Variants in SLC2A9 observed in about 807,000 individuals in gnomAD.
SLC2A9 encodes the protein solute carrier family 2, facilitated glucose transporter member 9.
Under a neutral mutation model 50.6 loss-of-function variants are expected in SLC2A9, and 39 were observed. The ratio of observed to expected loss-of-function variants is 0.77; its 90% CI spans 0.60 to 1.01. The LOEUF (loss-of-function observed/expected upper bound fraction) is 1.01, where lower values mean the gene tolerates loss of function less well. Ranked by LOEUF, SLC2A9 falls within the 50% of genes least tolerant of loss-of-function variation. The probability of loss-of-function intolerance (pLI) is 0.00; values close to 1 mark genes in which losing one functional copy is unlikely to be tolerated. For synonymous variants in SLC2A9, 324 were observed against 276.9 expected (o/e 1.17, Z -1.69); for missense variants, 686 against 677.6 (o/e 1.01, Z -0.14).
At chr4:9,907,666 G>C (rs1199679708) in intron 8 of SLC2A9, among the ~76,000 whole-genome samples, 1 of 152,190 alleles carries the variant, frequency 6.6e-6, no homozygotes. Context: ...AACTCCTGGG[G>C]ACAATATGGC....
chr4:9,773,488 G>T (rs1717115849), intron 1 of SLC2A9, among the ~76,000 whole-genome samples: 1 of 152,222 alleles, frequency 6.6e-6, no homozygotes, highest in Admixed American at 6.5e-5. Flanking sequence ...TACATCTTCA[G>T]AAGAAGGAGG....
At chr4:10,036,816 T>C (rs541754464) in intron 1 of SLC2A9, among the ~76,000 whole-genome samples, 4 of 152,368 alleles carry the variant, frequency 2.6e-5, no homozygotes, top group Non-Finnish European at 5.9e-5. Context: ...AGGCGGTGCA[T>C]GCTTTTAAAT....
intron 5 of SLC2A9, among the ~76,000 whole-genome samples, chr4:9,946,091 G>A (rs1232960982): frequency 6.6e-6 from 1 of 152,194 alleles, no homozygotes; most frequent in Non-Finnish European, 1.5e-5. Context: ...AGCCTGCTGG[G>A]TTTGGTAAAG....
intron 3 of SLC2A9, among the ~76,000 whole-genome samples, chr4:9,781,526 G>C (rs906414808): frequency 4.6e-5 from 7 of 152,180 alleles, no homozygotes; most frequent in Non-Finnish European, 1.0e-4. Context: ...GGCGCGCTGA[G>C]GGCGGTGAGC....
chr4:9,963,246 C>A (rs566436708), intron 5 of SLC2A9, among the ~76,000 whole-genome samples: 1 of 152,200 alleles, frequency 6.6e-6, no homozygotes, highest in East Asian at 1.9e-4. Context: ...GGGGAAAGCA[C>A]CACCATGATC....
rs59081583 is a variant in SLC2A9, at chr4:9,886,424, C to CTGTGTGTG, written c.1291+1135_1291+1142dup. The stretch of plus-strand genomic sequence containing the variant: ...AGCCGTTCTGACCACCCTCATAGCA[C>CTGTGTGTG]TGTGTGTGTGTGTGTGTGTGTGTGT... On this transcript the variant is annotated intron_variant, in intron 10 of 11. Coordinates refer to ENST00000264784, the MANE Select transcript of SLC2A9 (RefSeq NM_020041.3). 5.8e-4 allele frequency among the ~76,000 whole-genome samples: 79 copies of CTGTGTGTG among 135,696 alleles called. 1 individual carries two copies. Among genetic ancestry groups the CTGTGTGTG allele is most frequent in the African/African-American group, 1.8e-3 (67 of 36,956 alleles). The allele number at this position is 135,696 out of a possible 152,430, so 89.0% of individuals were successfully genotyped here.
chr4:9,920,211 T>A (rs1376183926), intron 7 of SLC2A9, among the ~76,000 whole-genome samples, 174 bp downstream of exon 7: 1 of 152,260 alleles, frequency 6.6e-6, no homozygotes, highest in Non-Finnish European at 1.5e-5. Context: ...GATCCCATTT[T>A]ACAGATGAGG....
intron 10 of SLC2A9, among the ~76,000 whole-genome samples, chr4:9,884,416 A>ACATT (rs368578629): frequency 2.0e-5 from 3 of 150,120 alleles, no homozygotes; most frequent in African/African-American, 7.4e-5. Flanking sequence ...GATTACAGGT[A>ACATT]CATTCCACTA....
rs766656831 is a variant in SLC2A9 at position 10,021,243 on chromosome 4, A to T, written c.150+37T>A. 4 of 1,607,512 alleles carry T rather than the reference A, an allele frequency of 2.5e-6. No individual in the cohort carries two copies. The South Asian group carries it at 4.4e-5, about 18-fold the overall frequency. ...TGCCACCCAGGCCTGCCTTCCCCAC[A>T]GCCCGCCAGCCATGCAGAAAAGCTG... is the stretch of plus-strand genomic sequence containing the variant. On this transcript the variant is annotated intron_variant, in intron 1 of 11. Transcript: ENST00000264784.
intron 2 of SLC2A9, among the ~76,000 whole-genome samples, chr4:9,997,887 G>C (rs1265918965): frequency 5.9e-5 from 9 of 152,050 alleles, no homozygotes; most frequent in African/African-American, 1.7e-4. Context: ...TAACATATTT[G>C]CAACACATAG....
rs148448488 is a variant in SLC2A9, at chr4:9,967,614, G to A, written c.681+12978C>T. 5.3e-3 allele frequency among the ~76,000 whole-genome samples: 810 copies of A among 151,840 alleles called. 5 individuals carry two copies. Among genetic ancestry groups the A allele is most frequent in the African/African-American group, 0.019 (779 of 41,508 alleles). ...TTTTTAAATTAAAAGGTTATTAAAA[G>A]TTGTGTCAAAATATGGATTTAGAAA... On this transcript the variant is annotated intron_variant, in intron 5 of 11. Coordinates refer to ENST00000264784, the MANE Select transcript of SLC2A9 (RefSeq NM_020041.3).
At chr4:10,000,236 C>T (rs754720276) in intron 2 of SLC2A9, among the ~76,000 whole-genome samples, 56 of 152,208 alleles carry the variant, frequency 3.7e-4, no homozygotes, top group Admixed American at 1.4e-3. Flanking sequence ...TACTGATCTA[C>T]GTCATCCACT....
At chr4:9,788,136 G>T (rs1190461985) in intron 3 of SLC2A9, among the ~76,000 whole-genome samples, 1 of 152,062 alleles carries the variant, frequency 6.6e-6, no homozygotes, top group African/African-American at 2.4e-5. Context: ...CTGTAAGGAA[G>T]AATATTTGTT....
intron 8 of SLC2A9, among the ~76,000 whole-genome samples, chr4:9,895,718 T>G (rs13115121): frequency 0.4 from 60,277 of 152,164 alleles, 14,124 homozygotes; most frequent in Non-Finnish European, 0.52. Context: ...TTCAGTCTAA[T>G]GTACCCATTT....
At chr4:9,834,202 C>CA (rs1726655272) in intron 11 of SLC2A9, among the ~76,000 whole-genome samples, 1 of 152,218 alleles carries the variant, frequency 6.6e-6, no homozygotes, top group Non-Finnish European at 1.5e-5. Flanking sequence ...CAGAGCCCTT[C>CA]ACGATTGCCC....
At chr4:9,886,704 A>G (rs1437981944) in intron 10 of SLC2A9, among the ~76,000 whole-genome samples, 1 of 152,058 alleles carries the variant, frequency 6.6e-6, no homozygotes, top group Non-Finnish European at 1.5e-5. Context: ...ATCCACCAAG[A>G]AACACAACCA....
chr4:9,894,947 T>C lies in SLC2A9; in HGVS notation c.1114-4236A>G, dbSNP rs78755014. ...TATAATGAGATTAATATGTGTTATA[T>C]TGTTACACTAAGCTTATCATGTGTT... On this transcript the variant is annotated intron_variant, in intron 8 of 11. Transcript: ENST00000264784. Among the ~76,000 whole-genome samples, 742 of 152,356 alleles carry C rather than the reference T, an allele frequency of 4.9e-3. 23 individuals carry two copies. The East Asian group carries it at 0.082, about 17-fold the overall frequency.
intron 10 of SLC2A9, among the ~76,000 whole-genome samples, chr4:9,851,757 CT>C (rs1232957583): frequency 1.3e-5 from 2 of 152,164 alleles, no homozygotes; most frequent in Non-Finnish European, 2.9e-5. Flanking sequence ...GAAAAACTCA[CT>C]TCAAGAATGC....
chr4:10,011,827 C>A (rs537300804), intron 2 of SLC2A9, among the ~76,000 whole-genome samples: 1 of 152,172 alleles, frequency 6.6e-6, no homozygotes. Context: ...GATTTAGGTG[C>A]TCCTATTTAG....
Sources: gnomAD v4.1 joint callset for allele counts (sites outside exome capture counted in the v4.1 genomes callset) on GRCh38, gnomAD v4.1.1 for gene constraint, MANE v1.5 for transcripts, NCBI Gene and HGNC (gene_info 2026-07-23, HGNC 2026-07-21) for gene names.